Variants in AKAP6 observed in about 807,000 individuals in gnomAD.
AKAP6 encodes the protein A-kinase anchoring protein 6, also known as A-kinase anchor protein 6.
Under a neutral mutation model 188.5 loss-of-function variants are expected in AKAP6, and 58 were observed. The observed-to-expected ratio is 0.31, with a 90% confidence interval of 0.25 to 0.38. The LOEUF (loss-of-function observed/expected upper bound fraction) is 0.38. AKAP6 is among the 10% of genes least tolerant of loss of function. The pLI is 1.00. For synonymous variants in AKAP6, 989 were observed against 998.6 expected (o/e 0.99, Z 0.18); for missense variants, 2,710 against 2,740.0 (o/e 0.99, Z 0.24).
chr14:32,474,001 G>A (rs150529164), intron 2 of AKAP6: 1,733 of 152,408 alleles, frequency 0.011, 16 homozygotes, highest in East Asian at 0.026. Flanking sequence ...GGGTTCAAGC[G>A]ATTCTCCTGC....
At chr14:32,732,351 A>G in intron 9 of AKAP6, 103 bp from the exon 10 acceptor site, 3 of 1,353,930 alleles carry the variant, frequency 2.2e-6, no homozygotes, top group Non-Finnish European at 3.0e-6. Flanking sequence ...TTTATTGGGA[A>G]CAAAAACTTT....
intron 4 of AKAP6, among the ~76,000 whole-genome samples, chr14:32,567,062 C>T (rs1038839822): frequency 4.6e-5 from 7 of 152,106 alleles, no homozygotes; most frequent in African/African-American, 1.7e-4. Context: ...AGCTGGACTA[C>T]AGGTGCACAC....
chr14:32,415,743 T>G (rs1889636519), intron 1 of AKAP6, among the ~76,000 whole-genome samples: 2 of 152,164 alleles, frequency 1.3e-5, no homozygotes, highest in Non-Finnish European at 2.9e-5. Flanking sequence ...GTCTCTATGA[T>G]TTAGACTACT....
intron 9 of AKAP6, among the ~76,000 whole-genome samples, chr14:32,713,202 G>T (rs201533382): frequency 6.6e-6 from 1 of 151,974 alleles, no homozygotes; most frequent in Non-Finnish European, 1.5e-5. Flanking sequence ...TCCCCACAAT[G>T]GGCTTAAAAT....
intron 5 of AKAP6, among the ~76,000 whole-genome samples, chr14:32,598,344 G>T (rs988236951): frequency 2.0e-5 from 3 of 152,066 alleles, no homozygotes; most frequent in African/African-American, 7.2e-5. Flanking sequence ...GCTCCAATTA[G>T]TCAAGAAATG....
chr14:32,453,690 G>A (rs1047768895), intron 2 of AKAP6, among the ~76,000 whole-genome samples: 6 of 138,416 alleles, frequency 4.3e-5, no homozygotes, highest in Non-Finnish European at 6.1e-5. Flanking sequence ...TCCGCCTCCC[G>A]GGTTCACGCC....
chr14:32,381,928 G>C (rs563378603), intron 1 of AKAP6, among the ~76,000 whole-genome samples: 2 of 152,126 alleles, frequency 1.3e-5, no homozygotes, highest in East Asian at 3.9e-4. Flanking sequence ...CTCACTGTAT[G>C]ATCTCGTCTC....
At chr14:32,547,262 A>G (rs981598209) in intron 4 of AKAP6, among the ~76,000 whole-genome samples, 6 of 152,246 alleles carry the variant, frequency 3.9e-5, no homozygotes, top group African/African-American at 1.2e-4. Flanking sequence ...CAAATCTATC[A>G]TGACTACTGA....
intron 4 of AKAP6, among the ~76,000 whole-genome samples, chr14:32,547,933 G>T (rs1175552784): frequency 6.6e-6 from 1 of 152,086 alleles, no homozygotes; most frequent in African/African-American, 2.4e-5. Flanking sequence ...GATTCACTAT[G>T]ATTACTGTGG....
intron 1 of AKAP6, among the ~76,000 whole-genome samples, chr14:32,336,151 C>A (rs1344051413): frequency 2.0e-5 from 3 of 151,960 alleles, no homozygotes; most frequent in Non-Finnish European, 4.4e-5. Flanking sequence ...TATTAATCTA[C>A]AGATTTGCAG....
At chr14:32,564,569 T>C (rs867966206) in intron 4 of AKAP6, among the ~76,000 whole-genome samples, 24 of 152,136 alleles carry the variant, frequency 1.6e-4, no homozygotes, top group Admixed American at 4.6e-4. Flanking sequence ...GTAGAAGGCA[T>C]TGGGAGGGTA....
At chr14:32,654,907 C>CA (rs1342584630) in intron 7 of AKAP6, among the ~76,000 whole-genome samples, 61 of 151,450 alleles carry the variant, frequency 4.0e-4, no homozygotes, top group African/African-American at 1.4e-3. Flanking sequence ...ATAAAGGATA[C>CA]AAAAAAATCA....
chr14:32,802,837 C>G (rs564370609), intron 12 of AKAP6, among the ~76,000 whole-genome samples: 1 of 152,302 alleles, frequency 6.6e-6, no homozygotes, highest in Admixed American at 6.5e-5. Context: ...GTGGCTCACA[C>G]CTGTAATTCC....
At chr14:32,360,160 C>T (rs930606273) in intron 1 of AKAP6, among the ~76,000 whole-genome samples, 2 of 151,498 alleles carry the variant, frequency 1.3e-5, no homozygotes, top group Non-Finnish European at 2.9e-5. Flanking sequence ...CAGGGGCTTG[C>T]TCTGTCACCC....
rs2034580798 is a variant in AKAP6 at position 32,823,257 on chromosome 14, A to G, written c.5444A>G (p.Asp1815Gly). The G allele has an allele frequency of 1.2e-6, 2 of 1,613,670 alleles. No individual in the cohort carries two copies. Among genetic ancestry groups the G allele is most frequent in the South Asian group, 1.1e-5 (1 of 91,078 alleles). The change falls in exon 13 of 14, where the codon GAT becomes GGT. Residue 1815 changes from aspartate to glycine, a missense_variant. Physicochemically the swap from Asp to Gly is moderately conservative, Grantham distance 94. Around this residue, in one of 2 missense-constraint regions of AKAP6, gnomAD observed 2,473 missense variants for 2,426.1 expected, o/e 1.02. Transcript: ENST00000280979. ...AGGCCAAAATTGTCTTTGACAAGAG[A>G]TAAGAAAAGGTGCAATGTCAGTGAT... ...WIRPKLSLTR[D>G]KKRCNVSDEM...
intron 11 of AKAP6, among the ~76,000 whole-genome samples, chr14:32,768,411 G>A (rs1594927167): frequency 1.3e-5 from 2 of 152,066 alleles, no homozygotes; most frequent in Admixed American, 1.3e-4. Context: ...TGATAAAAAT[G>A]ACAAAAAAGA....
intron 12 of AKAP6, among the ~76,000 whole-genome samples, chr14:32,780,866 A>C (rs1466529464): frequency 6.6e-6 from 1 of 152,188 alleles, no homozygotes; most frequent in African/African-American, 2.4e-5. Flanking sequence ...GAAAATCCTC[A>C]AATACATGGA....
intron 7 of AKAP6, among the ~76,000 whole-genome samples, chr14:32,633,017 C>T (rs1887342216): frequency 6.6e-6 from 1 of 152,000 alleles, no homozygotes. Context: ...GTAATGCTAT[C>T]TAGGATAGAA....
At chr14:32,633,339 G>A (rs963306323) in intron 7 of AKAP6, among the ~76,000 whole-genome samples, 2 of 152,022 alleles carry the variant, frequency 1.3e-5, no homozygotes, top group African/African-American at 4.8e-5. Flanking sequence ...ACTCATTTTG[G>A]TCTGTTGCTT....
Sources: allele counts gnomAD v4.1 joint callset (sites outside exome capture counted in the v4.1 genomes callset), GRCh38; gene constraint gnomAD v4.1.1; regional missense constraint gnomAD v4.1.1; transcripts MANE v1.5; gene names NCBI Gene and HGNC (gene_info 2026-07-23, HGNC 2026-07-21).